The following NLRP6 variants were observed in gnomAD, a reference collection of about 807,000 sequenced individuals.
NLRP6 encodes NLR family pyrin domain containing 6.
In NLRP6, 55 loss-of-function variants were observed where a neutral mutation model predicts 70.9. The ratio of observed to expected loss-of-function variants is 0.78; its 90% confidence interval spans 0.62 to 0.97. The LOEUF is 0.97. Among genes scored for constraint, NLRP6 ranks in the 50% least tolerant of loss-of-function variants. The probability of loss-of-function intolerance (pLI) is 0.00; values close to 1 mark genes in which losing one functional copy is unlikely to be tolerated. For missense variants in NLRP6, 1,241 were observed against 1,238.3 expected (o/e 1.00, Z -0.03); for synonymous variants, 652 against 581.9 (o/e 1.12, Z -1.73).
At position 281,541 on chromosome 11, in the gene NLRP6, A is replaced by G. The variant is rs1845478564; in HGVS notation, c.1807A>G (p.Thr603Ala). The G allele has an allele frequency of 6.2e-7, 1 of 1,610,382 alleles. No individual in the cohort carries two copies. Among genetic ancestry groups the G allele is most frequent in the Admixed American group, 1.7e-5 (1 of 59,830 alleles). The change falls in exon 4 of 8, where the codon ACC (threonine) becomes GCC (alanine). Residue 603 changes from threonine (T) to alanine (A), a missense_variant. By Grantham distance (58) the Thr-to-Ala change is moderately conservative. Transcript: ENST00000534750. ...VTEGAKGLED[T>A]EEPEEEEEGE... ...CGAGGGGGCCAAAGGGCTCGAGGAC[A>G]CCGAAGAGCCAGAGGAGGAGGAGGA... is the stretch of plus-strand genomic sequence containing the variant.
chr11:279,804 G>T, intron 2 of NLRP6, 30 bp from the exon 3 acceptor site: 2 of 1,579,836 alleles, frequency 1.3e-6, no homozygotes, highest in Admixed American at 1.8e-5. Flanking sequence ...TCCCGCCCTC[G>T]GCGGAACCTC....
intron 4 of NLRP6, among the ~76,000 whole-genome samples, chr11:282,225 C>CCTGGCTCCCCCAGCTGGCTGGGGACCCAA (rs1564833489): frequency 7.2e-5 from 11 of 152,332 alleles, no homozygotes; most frequent in East Asian, 5.8e-4. Flanking sequence ...GCAAGTCTGC[C>CCTGGCTCCCCCAGCTGGCTGGGGACCCAA]CTGGCTCCCC....
At chr11:283,089 T>C (rs1564833814) in intron 5 of NLRP6, among the ~76,000 whole-genome samples, 1 of 152,122 alleles carries the variant, frequency 6.6e-6, no homozygotes, top group Admixed American at 6.5e-5. Flanking sequence ...GTATTTTCCT[T>C]CTGAAGGGAG....
chr11:283,234 A>G (rs1158602968), intron 5 of NLRP6, among the ~76,000 whole-genome samples: 1 of 150,282 alleles, frequency 6.7e-6, no homozygotes, highest in Non-Finnish European at 1.5e-5. Context: ...CCGAGCTTCC[A>G]TTTCCTCCCC....
chr11:280,552 G>A lies in NLRP6; in HGVS notation c.818G>A (p.Arg273Gln), dbSNP rs1394847034. 21 of 1,530,594 alleles carry A rather than the reference G, an allele frequency of 1.4e-5. No individual in the cohort carries two copies. Among genetic ancestry groups the A allele is most frequent in the Non-Finnish European group, 1.7e-5 (20 of 1,150,740 alleles). The allele number at this position is 1,530,594 out of a possible 1,614,324, so 94.8% of individuals were successfully genotyped here. Reference protein sequence around the residue: ...PVPQMLAQPQRLLFILDGADE... With the variant: ...PVPQMLAQPQQLLFILDGADE... ...CCGCAGATGCTGGCCCAGCCGCAGC[G>A]GCTGCTCTTCATCCTGGACGGCGCG... Residue 273 changes from arginine (R) to glutamine (Q), a missense_variant, in exon 4 of 8, where the codon CGG (arginine) becomes CAG (glutamine). Arg to Gln is a conservative substitution (Grantham distance 43). Coordinates refer to ENST00000534750, the MANE Select transcript of NLRP6 (RefSeq NM_001276700.2).
At position 280,883 on chromosome 11, in the gene NLRP6, G is replaced by T; in HGVS notation, c.1149G>T (p.Ala383=). 6.2e-7 allele frequency: 1 copy of T among 1,613,426 alleles called. No homozygotes were observed. Among genetic ancestry groups the T allele is most frequent in the Non-Finnish European group, 8.5e-7 (1 of 1,179,958 alleles). The change falls in exon 4 of 8, where the codon GCG becomes GCT. Residue 383 remains alanine (A), a synonymous_variant. Transcript: ENST00000534750. ...RFVKENETLF[A]LCFVPFVCWI... ...TGAAGGAGAACGAGACGCTGTTCGC[G>T]CTGTGCTTCGTGCCCTTCGTGTGCT...
rs201266420 is a variant in NLRP6 at position 285,217 on chromosome 11, G to A, written c.2589G>A (p.Val863=). The A allele has an allele frequency of 1.0e-4, 168 of 1,601,220 alleles. 1 individual carries two copies. Among genetic ancestry groups the A allele is most frequent in the Middle Eastern group, 8.3e-4 (5 of 6,048 alleles). The change falls in exon 8 of 8, where the codon GTG becomes GTA. Residue 863 remains valine, a synonymous_variant. Transcript: ENST00000534750. ...SEQSLQELQA[V]KRAKPDLVIT... The stretch of plus-strand genomic sequence containing the variant: ...AGTCACTACAGGAGCTTCAGGCTGT[G>A]AAGAGAGCAAAGCCGGATCTGGTCA...
chr11:284,504 T>A lies in NLRP6; in HGVS notation c.2399T>A (p.Leu800His). ...CAGCTGCCTGACCCCCAGCGAGGGCTCCAGTACCTGGTGGGTATGCTTCGG... is the reference window on the plus strand; with the variant it reads ...CAGCTGCCTGACCCCCAGCGAGGGCACCAGTACCTGGTGGGTATGCTTCGG... ...RVQLPDPQRG[L>H]QYLVGMLRQS... Residue 800 changes from leucine to histidine, a missense_variant, in exon 7 of 8, where the codon CTC becomes CAC. Coordinates refer to ENST00000534750, the MANE Select transcript of NLRP6 (RefSeq NM_001276700.2). 6.2e-7 allele frequency: 1 copy of A among 1,613,002 alleles called. No individual in the cohort carries two copies. The highest frequency in any genetic ancestry group is 1.7e-4 in the Middle Eastern group (1 of 6,054).
intron 5 of NLRP6, among the ~76,000 whole-genome samples, chr11:283,415 G>A (rs9736609): frequency 0.15 from 21,627 of 148,204 alleles, 2,033 homozygotes; most frequent in Non-Finnish European, 0.19. Context: ...CCGGGTTCAC[G>A]CCATTCTCCT....
At chr11:282,664 G>A (rs777115534) in intron 4 of NLRP6, 41 bp from the exon 5 acceptor site, 3 of 1,493,228 alleles carry the variant, frequency 2.0e-6, no homozygotes, top group Non-Finnish European at 1.9e-6. Context: ...CAGGCACTGT[G>A]AGGAGCAGGG....
In NLRP6 at chr11:284,500, G is replaced by A. The variant is rs1204947127; in HGVS notation, c.2395G>A (p.Gly799Arg). The A allele has an allele frequency of 1.9e-6, 3 of 1,612,976 alleles. No homozygotes were observed. The highest frequency in any genetic ancestry group is 2.5e-6 in the Non-Finnish European group (3 of 1,179,830). ...VRVQLPDPQR[G>R]LQYLVGMLRQ... ...GGTACAGCTGCCTGACCCCCAGCGA[G>A]GGCTCCAGTACCTGGTGGGTATGCT... The change falls in exon 7 of 8, where the codon GGG becomes AGG. Residue 799 changes from glycine (G) to arginine (R), a missense_variant. Coordinates refer to ENST00000534750, the MANE Select transcript of NLRP6 (RefSeq NM_001276700.2).
intron 7 of NLRP6, 134 bp downstream of exon 7, chr11:284,776 C>T (rs1845535231): frequency 1.2e-6 from 1 of 855,146 alleles, no homozygotes. Context: ...AGCTCAAACA[C>T]TGACCTGGGA....
Position 280,541 on chromosome 11 carries a change from C to G in NLRP6, c.807C>G (p.Ala269=). Residue 269 remains alanine (A), a synonymous_variant, in exon 4 of 8, where the codon GCC becomes GCG. Transcript: ENST00000534750. ...GCGCGCCGGTGCCGCAGATGCTGGC[C>G]CAGCCGCAGCGGCTGCTCTTCATCC... ...DRGAPVPQML[A]QPQRLLFILD... is the part of the protein sequence containing the mutation. 6.5e-7 allele frequency: 1 copy of G among 1,546,264 alleles called. No individual in the cohort carries two copies. The highest frequency in any genetic ancestry group is 2.5e-5 in the East Asian group (1 of 40,510).
At position 278,672 on chromosome 11, in the gene NLRP6, G is replaced by T; in HGVS notation, c.29+74G>T. On this transcript the variant is annotated intron_variant, in intron 1 of 7. Transcript: ENST00000534750. This position sits in a 1 kb window ranked among gnomAD's most constrained non-coding sequence, Gnocchi z 4.7. ...CTCTGGGGCCTCCACCTCACCCGCTGACTTCCTCAGGCTCTCCACCCTTGT... is the reference window on the plus strand; with the variant it reads ...CTCTGGGGCCTCCACCTCACCCGCTTACTTCCTCAGGCTCTCCACCCTTGT... 8.1e-7 allele frequency: 1 copy of T among 1,228,666 alleles called. No individual in the cohort carries two copies. Among genetic ancestry groups the T allele is most frequent in the South Asian group, 1.4e-5 (1 of 69,768 alleles). The allele number at this position is 1,228,666 out of a possible 1,614,324, so 76.1% of individuals were successfully genotyped here.
In NLRP6 at chr11:281,492, C is replaced by T; in HGVS notation, c.1758C>T (p.Cys586=). The stretch of plus-strand genomic sequence containing the variant: ...GGGTGCAGGGACAGGGACAGGGCTG[C>T]CCCGGAGTGGCACCAGAGGTGACCG... ...LRWVQGQGQG[C]PGVAPEVTEG... Residue 586 remains cysteine, a synonymous_variant, in exon 4 of 8, where the codon TGC becomes TGT. Transcript: ENST00000534750. The T allele has an allele frequency of 1.3e-6, 2 of 1,597,626 alleles. No individual in the cohort carries two copies. Among genetic ancestry groups the T allele is most frequent in the Non-Finnish European group, 1.7e-6 (2 of 1,170,552 alleles).
At position 284,318 on chromosome 11, in the gene NLRP6, C is replaced by T; in HGVS notation, c.2287C>T (p.Leu763Phe). 1.9e-6 allele frequency: 3 copies of T among 1,612,428 alleles called. No individual in the cohort carries two copies. Among genetic ancestry groups the T allele is most frequent in the Non-Finnish European group, 2.5e-6 (3 of 1,179,844 alleles). Residue 763 changes from leucine (L) to phenylalanine (F), a missense_variant, in exon 6 of 8, where the codon CTC becomes TTC. Physicochemically the swap from Leu to Phe is conservative, Grantham distance 22. Coordinates refer to ENST00000534750, the MANE Select transcript of NLRP6 (RefSeq NM_001276700.2). ...CCCCGCACTGACGGAGCTGGGCCTC[C>T]TCCACAACAGGCTCAGTGAGGCGGG... Reference protein sequence around the residue: ...AAPALTELGLLHNRLSEAGLR... With the variant: ...AAPALTELGLFHNRLSEAGLR...
At position 281,108 on chromosome 11, in the gene NLRP6, G is replaced by A; in HGVS notation, c.1374G>A (p.Ala458=). The A allele has an allele frequency of 1.2e-6, 2 of 1,612,718 alleles. No homozygotes were observed. The highest frequency in any genetic ancestry group is 4.5e-5 in the East Asian group (2 of 44,870). ...LAREGVLGRR[A]QFAEKELEQL... ...GCGAGGGCGTCCTCGGACGCAGGGC[G>A]CAGTTTGCCGAGAAGGAACTGGAGC... The change falls in exon 4 of 8, where the codon GCG becomes GCA. Residue 458 remains alanine (A), a synonymous_variant. Coordinates refer to ENST00000534750, the MANE Select transcript of NLRP6 (RefSeq NM_001276700.2).
Position 280,534 on chromosome 11 carries a change from T to TG in NLRP6, c.801dup (p.Leu268AlafsTer98). On this transcript the variant is annotated frameshift_variant, in exon 4 of 8. Coordinates refer to ENST00000534750, the MANE Select transcript of NLRP6 (RefSeq NM_001276700.2). LOFTEE classifies it high-confidence loss of function. ...GACCGCGGCGCGCCGGTGCCGCAGA[T>TG]GCTGGCCCAGCCGCAGCGGCTGCTC... 1.3e-6 allele frequency: 2 copies of TG among 1,556,622 alleles called. No individual in the cohort carries two copies. The highest frequency in any genetic ancestry group is 1.7e-6 in the Non-Finnish European group (2 of 1,163,652).
intron 5 of NLRP6, among the ~76,000 whole-genome samples, chr11:283,313 T>TC (rs1845504872): frequency 7.3e-6 from 1 of 137,172 alleles, no homozygotes; most frequent in Non-Finnish European, 1.6e-5. Context: ...GTACAGTTCT[T>TC]TTTTTTTTTT....
Sources: allele counts gnomAD v4.1 joint callset (sites outside exome capture counted in the v4.1 genomes callset), GRCh38; gene constraint gnomAD v4.1.1; non-coding constraint Gnocchi (gnomAD v3.1); transcripts MANE v1.5; gene names NCBI Gene and HGNC (gene_info 2026-07-23, HGNC 2026-07-21).